Variants in NCOR2 observed in about 807,000 individuals in gnomAD.
NCOR2 encodes the protein nuclear receptor corepressor 2.
In NCOR2, 81 loss-of-function variants were observed where a neutral mutation model predicts 262.9. That is an observed-to-expected ratio of 0.31 (90% confidence interval 0.26 to 0.37). The LOEUF is 0.37. Among genes scored for constraint, NCOR2 ranks in the 10% least tolerant of loss-of-function variants. NCOR2 has a pLI of 1.00. For missense variants in NCOR2, 3,385 were observed against 3,621.4 expected, an observed-to-expected ratio of 0.93 and a Z score of 1.68; for synonymous variants, 1,659 against 1,559.3, an observed-to-expected ratio of 1.06 and a Z score of -1.51.
intron 4 of NCOR2, among the ~76,000 whole-genome samples, chr12:124,467,850 A>C (rs2046551586): frequency 2.7e-5 from 1 of 37,234 alleles, no homozygotes. Flanking sequence ...TCACCCCTTC[A>C]TCCTCATCCT....
rs1290514759 is a variant in NCOR2, at chr12:124,426,628, C to T, written c.1322G>A (p.Arg441Gln). 4.4e-6 allele frequency: 7 copies of T among 1,582,928 alleles called. No homozygotes were observed. In the East Asian group the frequency reaches 6.8e-5, roughly 15 times the overall value. ...CAGGTGATGGAGGACTCACTTCTCCCGGAAGGTCTCCTTCTCCTGCTCACT... is the reference window on the plus strand; with the variant it reads ...CAGGTGATGGAGGACTCACTTCTCCTGGAAGGTCTCCTTCTCCTGCTCACT... The change falls in exon 11 of 47, where the codon CGG (arginine) becomes CAG (glutamine). Residue 441 changes from arginine to glutamine, a missense_variant. Transcript: ENST00000405201.
chr12:124,500,726 C>T (rs909161951), intron 1 of NCOR2, among the ~76,000 whole-genome samples: 8 of 151,718 alleles, frequency 5.3e-5, no homozygotes, highest in African/African-American at 1.5e-4. Flanking sequence ...TCTCCAGCTC[C>T]GGCAGGATGA....
At chr12:124,418,060 CAAA>C (rs56362015) in intron 13 of NCOR2, among the ~76,000 whole-genome samples, 2 of 86,918 alleles carry the variant, frequency 2.3e-5, no homozygotes. Context: ...AACTCCATCT[CAAA>C]AAAAAAAAAA....
At chr12:124,403,206 C>T (rs1429837693) in intron 13 of NCOR2, among the ~76,000 whole-genome samples, 3 of 152,166 alleles carry the variant, frequency 2.0e-5, no homozygotes, top group East Asian at 1.9e-4. Context: ...CCCTGATTCC[C>T]CAGAGCCCAG....
intron 4 of NCOR2, among the ~76,000 whole-genome samples, chr12:124,467,859 CTCATCA>C (rs1386293744): frequency 1.3e-5 from 1 of 76,102 alleles, no homozygotes; most frequent in African/African-American, 5.6e-5. Flanking sequence ...CATCCTCATC[CTCATCA>C]CCCCCATCAC....
exon 41 of NCOR2, chr12:124,334,437 C>T (rs1033579281): frequency 6.6e-6 from 10 of 1,503,822 alleles, no homozygotes; most frequent in Non-Finnish European, 8.9e-6. Flanking sequence ...TTGCCCCCTT[C>T]GCTGTGGGGG....
intron 7 of NCOR2, among the ~76,000 whole-genome samples, chr12:124,442,246 C>G (rs2044853856): frequency 6.6e-6 from 1 of 152,180 alleles, no homozygotes; most frequent in Non-Finnish European, 1.5e-5. Flanking sequence ...TGGGCTCAAG[C>G]AATCCTCCTG....
upstream of NCOR2, among the ~76,000 whole-genome samples, chr12:124,496,338 T>C (rs570872155): frequency 6.7e-6 from 1 of 150,098 alleles, no homozygotes; most frequent in South Asian, 2.1e-4. The surrounding 1 kb of genome is among the most constrained non-coding windows in gnomAD (Gnocchi z 4.4). Flanking sequence ...CTCCACACTC[T>C]CCCTGAACCA....
chr12:124,565,740 C>A (rs1341715507), intron 1 of NCOR2, among the ~76,000 whole-genome samples: 1 of 152,178 alleles, frequency 6.6e-6, no homozygotes, highest in African/African-American at 2.4e-5. Flanking sequence ...GAACTCAGTA[C>A]CATTTTGACC....
At chr12:124,466,329 G>T (rs1440258566) in intron 4 of NCOR2, 43 bp from the exon 7 acceptor site, 5 of 1,571,500 alleles carry the variant, frequency 3.2e-6, no homozygotes, top group Non-Finnish European at 8.6e-7. Flanking sequence ...ACCCCAGCGG[G>T]CGGAAGGAGG....
At chr12:124,422,201 C>T (rs989702538) in intron 12 of NCOR2, among the ~76,000 whole-genome samples, 6 of 152,218 alleles carry the variant, frequency 3.9e-5, no homozygotes, top group South Asian at 4.1e-4. Flanking sequence ...GGAGACCCGT[C>T]GGGCACACGG....
In NCOR2 at chr12:124,378,454, G is replaced by A. The variant is rs963807715; in HGVS notation, c.2020-70C>T. The A allele has an allele frequency of 1.6e-5, 24 of 1,464,112 alleles. No homozygotes were observed. The East Asian group carries it at 4.8e-4, about 29-fold the overall frequency. 90.7% of individuals were successfully genotyped at this position (1,464,112 alleles called of 1,614,324 possible). A position where few individuals can be genotyped will look rare whatever the true frequency, so the allele number is the denominator to read the frequency against. ...TCAGCTCGGGGACTCCCCATGCCTG[G>A]GGCCTCGCCGCAGGTGCAAAGGGCA... On this transcript the variant is annotated intron_variant, in intron 17 of 46. Coordinates refer to ENST00000405201, the Ensembl canonical transcript of NCOR2. This position sits in a 1 kb window ranked among gnomAD's most constrained non-coding sequence, Gnocchi z 4.2.
chr12:124,458,517 G>A (rs772409007), intron 5 of NCOR2, among the ~76,000 whole-genome samples: 8 of 152,178 alleles, frequency 5.3e-5, no homozygotes, highest in African/African-American at 7.2e-5. Context: ...CTCAAGGTGC[G>A]GCTGGGGGCC....
At chr12:124,379,514 C>A (rs1023830132) in intron 17 of NCOR2, among the ~76,000 whole-genome samples, 1 of 152,240 alleles carries the variant, frequency 6.6e-6, no homozygotes. Flanking sequence ...CTCGAAGTGA[C>A]TGGGGACTCC....
At chr12:124,405,973 G>A (rs2042253239) in intron 13 of NCOR2, among the ~76,000 whole-genome samples, 1 of 152,192 alleles carries the variant, frequency 6.6e-6, no homozygotes. Context: ...GCCCTGCGAA[G>A]TCCTGATGCC....
chr12:124,325,289 G>C (rs1388621186), exon 47 of NCOR2: 1 of 634,412 alleles, frequency 1.6e-6, no homozygotes, highest in Non-Finnish European at 2.4e-6. Flanking sequence ...GGCGCAGGCG[G>C]ACTCAGGGGC....
At chr12:124,422,360 G>A in intron 12 of NCOR2, 141 bp downstream of exon 14, 1 of 922,300 alleles carries the variant, frequency 1.1e-6, no homozygotes, top group Non-Finnish European at 1.7e-6. Flanking sequence ...GGGAGGGAGG[G>A]AGGAGGGGAG....
At chr12:124,377,966 T>A (rs2040146930) in intron 18 of NCOR2, among the ~76,000 whole-genome samples, 1 of 152,068 alleles carries the variant, frequency 6.6e-6, no homozygotes, top group East Asian at 1.9e-4. Flanking sequence ...AGCATAAGAC[T>A]GGACTCATGG....
At chr12:124,357,088 C>G (rs2038012038) in intron 22 of NCOR2, among the ~76,000 whole-genome samples, 1 of 152,244 alleles carries the variant, frequency 6.6e-6, no homozygotes, top group Non-Finnish European at 1.5e-5. Context: ...GCCCAGCAAG[C>G]CAAGGTCCCT....
Sources: allele counts gnomAD v4.1 joint callset (sites outside exome capture counted in the v4.1 genomes callset), GRCh38; gene constraint gnomAD v4.1.1; non-coding constraint Gnocchi (gnomAD v3.1); transcripts MANE v1.5; gene names NCBI Gene and HGNC (gene_info 2026-07-23, HGNC 2026-07-21).